The following ADGRA3 variants were observed in gnomAD, a reference collection of about 807,000 sequenced individuals.
ADGRA3 encodes the protein adhesion G protein-coupled receptor A3, also known as G-protein coupled receptor 125.
In ADGRA3, 56 loss-of-function variants were observed where a neutral mutation model predicts 119.8. The ratio of observed to expected loss-of-function variants is 0.47; its 90% CI spans 0.38 to 0.58. The LOEUF (loss-of-function observed/expected upper bound fraction) is 0.58. ADGRA3 is among the 20% of genes least tolerant of loss of function. The pLI is 0.00. For synonymous variants in ADGRA3, 607 were observed against 623.8 expected, an observed-to-expected ratio of 0.97 and a Z score of 0.40; for missense variants, 1,516 against 1,649.0, an observed-to-expected ratio of 0.92 and a Z score of 1.40.
intron 1 of ADGRA3, among the ~76,000 whole-genome samples, chr4:22,508,441 C>G (rs893809295): frequency 6.6e-6 from 1 of 152,192 alleles, no homozygotes; most frequent in Non-Finnish European, 1.5e-5. Context: ...TATTTTAACC[C>G]TGAAACACTG....
At position 22,432,428 on chromosome 4, in the gene ADGRA3, G is replaced by GAA. The variant is rs34560175; in HGVS notation, c.1443+2881_1443+2882dup. ...AGAAAAGTCTGGCAAGTAAGATCAA[G>GAA]AAAAAAAAGAATACAAAATAATCAT... On this transcript the variant is annotated intron_variant, in intron 10 of 18. Transcript: ENST00000334304. Among the ~76,000 whole-genome samples, 11 of 151,608 alleles carry GAA rather than the reference G, an allele frequency of 7.3e-5. No homozygotes were observed. The East Asian group carries it at 9.7e-4, about 13-fold the overall frequency.
intron 17 of ADGRA3, 88 bp downstream of exon 17, chr4:22,392,457 A>G: frequency 6.6e-7 from 1 of 1,520,438 alleles, no homozygotes; most frequent in Non-Finnish European, 9.0e-7. Context: ...TTTACTTCCC[A>G]AAATTCACTC....
chr4:22,404,057 G>A (rs747087316), intron 14 of ADGRA3, among the ~76,000 whole-genome samples: 4 of 152,158 alleles, frequency 2.6e-5, no homozygotes, highest in Non-Finnish European at 5.9e-5. Context: ...AAGTTGGAAA[G>A]ACACCTCTAC....
intron 17 of ADGRA3, among the ~76,000 whole-genome samples, chr4:22,391,386 G>GTGTT (rs1714130645): frequency 6.6e-6 from 1 of 152,000 alleles, no homozygotes; most frequent in African/African-American, 2.4e-5. Flanking sequence ...GTCAAGGCAC[G>GTGTT]CTAGCTAGCT....
At chr4:22,390,013 C>T (rs1714044254) in intron 17 of ADGRA3, among the ~76,000 whole-genome samples, 1 of 152,024 alleles carries the variant, frequency 6.6e-6, no homozygotes, top group African/African-American at 2.4e-5. Flanking sequence ...TACCTAGTTA[C>T]TAAAATCCTT....
intron 1 of ADGRA3, among the ~76,000 whole-genome samples, chr4:22,475,169 C>T (rs905215350): frequency 6.6e-6 from 1 of 152,064 alleles, no homozygotes; most frequent in East Asian, 1.9e-4. Flanking sequence ...TGACTTTAGG[C>T]GAGTCACACT....
Position 22,515,566 on chromosome 4 carries a change from G to A in ADGRA3, c.219C>T (p.Val73=). The change falls in exon 1 of 19, where the codon GTC becomes GTT. Residue 73 remains valine (V), a synonymous_variant. Transcript: ENST00000334304. The part of the protein sequence containing the change: ...VVCSSLELAQ[V]LPPDTLPNRT... ...GGTTGGGCAGAGTATCTGGGGGCAG[G>A]ACCTGCGCGAGTTCCAGGCTGCTGC... 2 of 1,603,886 alleles carry A rather than the reference G, an allele frequency of 1.2e-6. No homozygotes were observed. Among genetic ancestry groups the A allele is most frequent in the Non-Finnish European group, 1.7e-6 (2 of 1,175,394 alleles).
chr4:22,416,684 A>C (rs990513422), intron 12 of ADGRA3, among the ~76,000 whole-genome samples: 2 of 152,168 alleles, frequency 1.3e-5, no homozygotes, highest in East Asian at 3.9e-4. Context: ...TGCCAAGAAT[A>C]ATCTAGAACG....
intron 9 of ADGRA3, 86 bp downstream of exon 9, chr4:22,436,353 AT>A: frequency 1.1e-6 from 1 of 947,750 alleles, no homozygotes; most frequent in Non-Finnish European, 1.6e-6. Flanking sequence ...TTTGCCTAGT[AT>A]TAAAAAAAAA....
intron 1 of ADGRA3, among the ~76,000 whole-genome samples, chr4:22,498,134 A>T (rs1718908348): frequency 6.6e-6 from 1 of 151,736 alleles, no homozygotes. Context: ...CCAGATACTC[A>T]GGAGGCTGGG....
At chr4:22,513,581 G>A (rs1055183582) in intron 1 of ADGRA3, among the ~76,000 whole-genome samples, 11 of 148,188 alleles carry the variant, frequency 7.4e-5, no homozygotes, top group African/African-American at 2.5e-4. Flanking sequence ...GTGCGATTTC[G>A]GCTCACTGCA....
intron 17 of ADGRA3, among the ~76,000 whole-genome samples, chr4:22,389,817 C>T (rs150578532): frequency 9.9e-5 from 15 of 152,198 alleles, no homozygotes; most frequent in Non-Finnish European, 1.9e-4. Flanking sequence ...AGTGACTGGT[C>T]CTACAAAGAA....
intron 4 of ADGRA3, 150 bp downstream of exon 4, chr4:22,454,716 C>A: frequency 1.6e-6 from 1 of 640,324 alleles, no homozygotes; most frequent in South Asian, 1.7e-5. Context: ...AGATTACATC[C>A]CCATGATTAA....
At chr4:22,451,240 G>A (rs951775181) in intron 4 of ADGRA3, among the ~76,000 whole-genome samples, 3 of 151,930 alleles carry the variant, frequency 2.0e-5, no homozygotes, top group Non-Finnish European at 4.4e-5. Flanking sequence ...TATAACTCTT[G>A]AGGAAAAAAT....
intron 1 of ADGRA3, among the ~76,000 whole-genome samples, chr4:22,490,122 A>T (rs2109147320): frequency 6.6e-6 from 1 of 152,356 alleles, no homozygotes; most frequent in South Asian, 2.1e-4. Flanking sequence ...AATAAAAAGG[A>T]AATAACCTAT....
chr4:22,509,785 C>T (rs373678833), intron 1 of ADGRA3, among the ~76,000 whole-genome samples: 2,917 of 151,820 alleles, frequency 0.019, 85 homozygotes, highest in African/African-American at 0.063. Flanking sequence ...CCGAGGCGGG[C>T]GGATCACGAG....
At position 22,387,789 on chromosome 4, in the gene ADGRA3, G is replaced by A; in HGVS notation, c.3882C>T (p.Ser1294=). 6.2e-7 allele frequency: 1 copy of A among 1,614,096 alleles called. No individual in the cohort carries two copies. The highest frequency in any genetic ancestry group is 8.5e-7 in the Non-Finnish European group (1 of 1,179,992). Residue 1294 remains serine (S), a synonymous_variant, in exon 19 of 19, where the codon AGC becomes AGT. Transcript: ENST00000334304. ...CGAGCAAGGGTCCCTCCTGCCCATT[G>A]CTTTTAATTGGTCCATTCTGAATGG... ...NLAIQNGPIK[S]NGQEGPLLGT...
At chr4:22,440,199 T>C (rs1237646057) in intron 7 of ADGRA3, among the ~76,000 whole-genome samples, 1 of 152,088 alleles carries the variant, frequency 6.6e-6, no homozygotes, top group Non-Finnish European at 1.5e-5. Flanking sequence ...TTCTTACTAC[T>C]TTTTTCCCCT....
At chr4:22,435,771 A>T (rs1019997273) in intron 9 of ADGRA3, among the ~76,000 whole-genome samples, 1 of 152,150 alleles carries the variant, frequency 6.6e-6, no homozygotes, top group Non-Finnish European at 1.5e-5. Context: ...CTCAACTCCA[A>T]TTGCTTAATA....
Sources: gnomAD v4.1 joint callset for allele counts (sites outside exome capture counted in the v4.1 genomes callset) on GRCh38, gnomAD v4.1.1 for gene constraint, MANE v1.5 for transcripts, NCBI Gene and HGNC (gene_info 2026-07-23, HGNC 2026-07-21) for gene names.